RNF150: variants seen among roughly 807,000 people sequenced by gnomAD.
RNF150 encodes ring finger protein 150.
Under a neutral mutation model 39.3 loss-of-function variants are expected in RNF150, and 24 were observed. The ratio of observed to expected loss-of-function variants is 0.61; its 90% CI spans 0.44 to 0.86. The LOEUF is 0.86. RNF150 is among the 40% of genes least tolerant of loss of function. The pLI is 0.00. For synonymous variants in RNF150, 255 were observed against 227.3 expected (o/e 1.12, Z -1.10); for missense variants, 502 against 587.8 (o/e 0.85, Z 1.51).
chr4:140,868,311 A>G lies in RNF150; in HGVS notation c.1267T>C (p.Ser423Pro). Reference protein sequence around the residue: ...SLIMAMEVGLSDVELSTDQDC... With the variant: ...SLIMAMEVGLPDVELSTDQDC... ...TGGTCAGTGGAAAGTTCTACATCAG[A>G]CAGTCCAACCTCCATTGCCATGATC... Residue 423 changes from serine (S) to proline (P), a missense_variant, in exon 7 of 7, where the codon TCT (serine) becomes CCT (proline). Coordinates refer to ENST00000515673, the MANE Select transcript of RNF150 (RefSeq NM_020724.2). 1 of 1,613,066 alleles carries G rather than the reference A, an allele frequency of 6.2e-7. No individual in the cohort carries two copies. The highest frequency in any genetic ancestry group is 2.2e-5 in the East Asian group (1 of 44,882).
At chr4:141,082,980 T>C (rs1441464427) in intron 1 of RNF150, among the ~76,000 whole-genome samples, 1 of 152,226 alleles carries the variant, frequency 6.6e-6, no homozygotes, top group Non-Finnish European at 1.5e-5. Context: ...CTGAAAAATA[T>C]ATGTATAGTA....
rs189812649 is a variant in RNF150 at position 140,960,820 on chromosome 4, G to A, written c.735+6803C>T. 3.6e-4 allele frequency among the ~76,000 whole-genome samples: 55 copies of A among 152,202 alleles called. No individual in the cohort carries two copies. The East Asian group carries it at 5.0e-3, about 14-fold the overall frequency. Reference sequence around the variant, plus strand: ...AAGAATTGAGATATTTACTATTTGCGCAGGTGTGGGGGGAAGGTGGGGAAT... The same window carrying A: ...AAGAATTGAGATATTTACTATTTGCACAGGTGTGGGGGGAAGGTGGGGAAT... On this transcript the variant is annotated intron_variant, in intron 2 of 6. Transcript: ENST00000515673.
chr4:141,009,730 C>A (rs1217364095), intron 1 of RNF150, among the ~76,000 whole-genome samples: 2 of 152,318 alleles, frequency 1.3e-5, no homozygotes, highest in East Asian at 3.9e-4. Flanking sequence ...TTAATTCTGA[C>A]AAACATCTAG....
At chr4:141,123,777 C>T (rs1425989669) in intron 1 of RNF150, among the ~76,000 whole-genome samples, 2 of 152,120 alleles carry the variant, frequency 1.3e-5, no homozygotes, top group Non-Finnish European at 2.9e-5. Flanking sequence ...GTTCAATTCC[C>T]ACCTATGAGT....
intron 1 of RNF150, among the ~76,000 whole-genome samples, chr4:140,981,751 T>C (rs970658202): frequency 3.3e-5 from 5 of 152,180 alleles, no homozygotes; most frequent in African/African-American, 1.2e-4. Flanking sequence ...GTGCATTGTA[T>C]TTGATTTTTT....
At chr4:141,180,363 C>T (rs560169284) in intron 1 of RNF150, among the ~76,000 whole-genome samples, 1 of 152,264 alleles carries the variant, frequency 6.6e-6, no homozygotes, top group East Asian at 1.9e-4. Flanking sequence ...TCCCAGTTTC[C>T]TTTGCCTCCT....
At chr4:141,203,859 G>A (rs1236885734) in intron 1 of RNF150, among the ~76,000 whole-genome samples, 2 of 151,782 alleles carry the variant, frequency 1.3e-5, no homozygotes, top group Admixed American at 6.6e-5. Context: ...GCCCTCCCAA[G>A]CACAGTGAAG....
chr4:140,933,066 T>C (rs765269840), intron 4 of RNF150, among the ~76,000 whole-genome samples: 5 of 152,198 alleles, frequency 3.3e-5, no homozygotes, highest in Non-Finnish European at 7.4e-5. Context: ...GGTTAAATGC[T>C]TGTTTGTATA....
chr4:141,107,254 T>A (rs1739241897), intron 1 of RNF150, among the ~76,000 whole-genome samples: 1 of 152,254 alleles, frequency 6.6e-6, no homozygotes, highest in Admixed American at 6.5e-5. Context: ...TACCTATTGC[T>A]TTGCTTTATT....
At chr4:140,889,020 C>T (rs1384057162) in intron 6 of RNF150, among the ~76,000 whole-genome samples, 1 of 151,756 alleles carries the variant, frequency 6.6e-6, no homozygotes, top group Admixed American at 6.6e-5. Flanking sequence ...GAGATTGGGT[C>T]TTCTAACTCT....
At chr4:141,121,112 T>C (rs1178947776) in intron 1 of RNF150, among the ~76,000 whole-genome samples, 4 of 152,162 alleles carry the variant, frequency 2.6e-5, no homozygotes, top group Non-Finnish European at 5.9e-5. Flanking sequence ...CATTATGTAA[T>C]GTAAGAGGTC....
intron 1 of RNF150, among the ~76,000 whole-genome samples, chr4:141,203,651 T>C (rs1728327639): frequency 6.6e-6 from 1 of 151,972 alleles, no homozygotes; most frequent in African/African-American, 2.4e-5. Context: ...CTTTGCTAAT[T>C]AGCTTAGGAC....
At chr4:141,078,190 A>G (rs1737973742) in intron 1 of RNF150, among the ~76,000 whole-genome samples, 1 of 152,206 alleles carries the variant, frequency 6.6e-6, no homozygotes. Flanking sequence ...CAACCAAGAG[A>G]TGCCTGTACT....
intron 1 of RNF150, among the ~76,000 whole-genome samples, chr4:141,207,965 C>CAA (rs66969003): frequency 6.6e-6 from 1 of 151,412 alleles, no homozygotes; most frequent in South Asian, 2.1e-4. Flanking sequence ...AAACAGAAAA[C>CAA]AAAAAAAAGC....
At position 140,866,517 on chromosome 4, in the gene RNF150, T is replaced by C. The variant is rs534980069; in HGVS notation, c.*1744A>G. On this transcript the variant is annotated 3_prime_UTR_variant, in exon 7 of 7. Transcript: ENST00000515673. The stretch of plus-strand genomic sequence containing the variant: ...GCAACCTTTCTGAGGGTAATAATCA[T>C]CTGCCTTGCCTTACTGTCTACTTAC... 6.6e-6 allele frequency: 1 copy of C among 152,310 alleles called. No homozygotes were observed. Among genetic ancestry groups the C allele is most frequent in the South Asian group, 2.1e-4 (1 of 4,822 alleles). The allele number at this position is 152,310 out of a possible 1,614,324, so 9.4% of individuals were successfully genotyped here.
At chr4:140,964,082 A>C (rs976952531) in intron 2 of RNF150, among the ~76,000 whole-genome samples, 1 of 152,158 alleles carries the variant, frequency 6.6e-6, no homozygotes, top group East Asian at 1.9e-4. Context: ...CAATGAAATG[A>C]GATAACAGAA....
chr4:140,979,186 G>GA (rs1446355069), intron 1 of RNF150, among the ~76,000 whole-genome samples: 1 of 151,986 alleles, frequency 6.6e-6, no homozygotes, highest in Non-Finnish European at 1.5e-5. Flanking sequence ...AATTTGACTG[G>GA]AAAAAATCTG....
chr4:141,208,646 T>C (rs761740691), intron 1 of RNF150, among the ~76,000 whole-genome samples: 1 of 152,228 alleles, frequency 6.6e-6, no homozygotes, highest in African/African-American at 2.4e-5. Flanking sequence ...CAAGTCAAGA[T>C]AGCTAGTTAG....
chr4:140,947,576 C>T, intron 4 of RNF150, 78 bp downstream of exon 4: 1 of 950,138 alleles, frequency 1.1e-6, no homozygotes, highest in Middle Eastern at 2.9e-4. Flanking sequence ...CTATGCCCAG[C>T]AGGTCGGGGC....
Sources: allele counts gnomAD v4.1 joint callset (sites outside exome capture counted in the v4.1 genomes callset), GRCh38; gene constraint gnomAD v4.1.1; transcripts MANE v1.5; gene names NCBI Gene and HGNC (gene_info 2026-07-23, HGNC 2026-07-21).